Variants in TBC1D5 observed in about 807,000 individuals in gnomAD.
The protein encoded by TBC1D5 is TBC1 domain family, member 5.
TBC1D5 carries 75 observed loss-of-function variants against 100.3 expected under a neutral mutation model. The observed-to-expected ratio is 0.75, with a 90% confidence interval of 0.62 to 0.91. The LOEUF (loss-of-function observed/expected upper bound fraction) is 0.91. Among genes scored for constraint, TBC1D5 ranks in the 40% least tolerant of loss-of-function variants. TBC1D5 has a pLI of 0.00. For synonymous variants in TBC1D5, 323 were observed against 325.6 expected (o/e 0.99, Z 0.09); for missense variants, 910 against 942.4 (o/e 0.97, Z 0.45).
chr3:17,655,173 T>C (rs1355520392), intron 1 of TBC1D5, among the ~76,000 whole-genome samples: 1 of 152,060 alleles, frequency 6.6e-6, no homozygotes, highest in Non-Finnish European at 1.5e-5. Flanking sequence ...AGTTCTGCTC[T>C]GATTTTAGTT....
intron 16 of TBC1D5, among the ~76,000 whole-genome samples, chr3:17,254,832 C>T (rs1330838270): frequency 2.0e-5 from 3 of 150,956 alleles, no homozygotes; most frequent in Admixed American, 6.6e-5. Context: ...CTGTTACACT[C>T]ATTCCAGATT....
At chr3:17,698,544 G>C (rs2072547676) in intron 1 of TBC1D5, among the ~76,000 whole-genome samples, 1 of 151,126 alleles carries the variant, frequency 6.6e-6, no homozygotes, top group African/African-American at 2.4e-5. Context: ...TTGACAAATG[G>C]GATCTAATTA....
At chr3:17,554,139 GTGAGAAA>G (rs2153456219) in intron 2 of TBC1D5, among the ~76,000 whole-genome samples, 1 of 152,202 alleles carries the variant, frequency 6.6e-6, no homozygotes, top group African/African-American at 2.4e-5. Flanking sequence ...AACATATTTG[GTGAGAAA>G]AGACTGCATT....
At chr3:17,641,932 A>G (rs1024768291) in intron 1 of TBC1D5, among the ~76,000 whole-genome samples, 4 of 152,154 alleles carry the variant, frequency 2.6e-5, no homozygotes, top group African/African-American at 7.2e-5. Context: ...ATAAAATGCA[A>G]TGTTTTAAAA....
chr3:17,689,797 T>A lies in TBC1D5; in HGVS notation c.-101+49546A>T, dbSNP rs114405096. Among the ~76,000 whole-genome samples, 1,029 of 152,250 alleles carry A rather than the reference T, an allele frequency of 6.8e-3. 12 individuals carry two copies. The highest frequency in any genetic ancestry group is 0.024 in the African/African-American group (994 of 41,540). On this transcript the variant is annotated intron_variant, in intron 1 of 21. Transcript: ENST00000253692. ...ACTTTAGGTTGTTCCAAATGAGAAATATAACTTGCATCTGGTGAGTAGTGG... is the reference window on the plus strand; with the variant it reads ...ACTTTAGGTTGTTCCAAATGAGAAAAATAACTTGCATCTGGTGAGTAGTGG...
intron 14 of TBC1D5, among the ~76,000 whole-genome samples, chr3:17,294,208 A>G (rs774165859): frequency 6.6e-6 from 1 of 151,810 alleles, no homozygotes; most frequent in Non-Finnish European, 1.5e-5. Context: ...TTATTTATTT[A>G]TTTATTTATT....
chr3:17,287,878 T>C (rs2081327761), intron 15 of TBC1D5, among the ~76,000 whole-genome samples: 1 of 152,188 alleles, frequency 6.6e-6, no homozygotes, highest in African/African-American at 2.4e-5. Flanking sequence ...TCAGAGCTCC[T>C]TGTTTGATTT....
At chr3:17,483,449 G>A (rs1016335415) in intron 3 of TBC1D5, among the ~76,000 whole-genome samples, 4 of 152,066 alleles carry the variant, frequency 2.6e-5, no homozygotes, top group Non-Finnish European at 5.9e-5. Context: ...ACTTTTTAGG[G>A]GTGGGCTTGA....
intron 15 of TBC1D5, among the ~76,000 whole-genome samples, chr3:17,269,116 T>C (rs1196669215): frequency 2.6e-5 from 4 of 152,132 alleles, no homozygotes; most frequent in African/African-American, 9.7e-5. Flanking sequence ...GTAACTGTTA[T>C]AAGCTGCAAC....
At position 17,549,969 on chromosome 3, in the gene TBC1D5, T is replaced by C. The variant is rs1329816915; in HGVS notation, c.-35-41364A>G. ...ATAATAATAGTAATAATAAGAATAA[T>C]AATAATAATGAATGGCTTCCTACTA... On this transcript the variant is annotated intron_variant, in intron 2 of 21. Transcript: ENST00000253692. 2.7e-5 allele frequency among the ~76,000 whole-genome samples: 4 copies of C among 150,470 alleles called. No homozygotes were observed. The Admixed American group carries it at 2.7e-4, about 10-fold the overall frequency.
At chr3:17,535,975 G>A (rs1169402914) in intron 2 of TBC1D5, among the ~76,000 whole-genome samples, 1 of 152,082 alleles carries the variant, frequency 6.6e-6, no homozygotes, top group Non-Finnish European at 1.5e-5. Context: ...CCCACTAACA[G>A]TAAACTAAAA....
At chr3:17,558,080 C>A (rs1222368504) in intron 2 of TBC1D5, among the ~76,000 whole-genome samples, 1 of 152,098 alleles carries the variant, frequency 6.6e-6, no homozygotes, top group Non-Finnish European at 1.5e-5. Context: ...TTTCAAGAAC[C>A]CTTGTTCTAC....
chr3:17,329,604 T>C (rs2086629247), intron 13 of TBC1D5, among the ~76,000 whole-genome samples: 1 of 152,084 alleles, frequency 6.6e-6, no homozygotes, highest in African/African-American at 2.4e-5. Context: ...GCAAAGTGAG[T>C]TACGAAGTAT....
intron 2 of TBC1D5, among the ~76,000 whole-genome samples, chr3:17,512,917 G>C (rs979556299): frequency 2.0e-5 from 3 of 152,162 alleles, no homozygotes; most frequent in Non-Finnish European, 4.4e-5. Context: ...TGATCTGTCT[G>C]AAAGAAAAGA....
intron 14 of TBC1D5, among the ~76,000 whole-genome samples, chr3:17,303,399 C>G (rs1356206249): frequency 1.3e-5 from 2 of 152,158 alleles, no homozygotes; most frequent in Non-Finnish European, 2.9e-5. Flanking sequence ...TTGACTGGTT[C>G]AATAAAAGCT....
Position 17,374,460 on chromosome 3 carries a change from A to G in TBC1D5, c.822+11T>C, listed in dbSNP as rs754370047. ...AGCATATACTGAAAAGATCTGTACT[A>G]TAAGATTTACCTTCTGACCATCATG... On this transcript the variant is annotated intron_variant, in intron 12 of 21. Transcript: ENST00000253692. 6.2e-6 allele frequency: 10 copies of G among 1,608,238 alleles called. No homozygotes were observed. The Admixed American group carries it at 6.7e-5, about 11-fold the overall frequency.
At chr3:17,254,897 T>C (rs1227110041) in intron 16 of TBC1D5, among the ~76,000 whole-genome samples, 1 of 152,052 alleles carries the variant, frequency 6.6e-6, no homozygotes, top group Non-Finnish European at 1.5e-5. Flanking sequence ...TTGGTATCTA[T>C]TGTGAGAAAC....
intron 3 of TBC1D5, among the ~76,000 whole-genome samples, chr3:17,450,089 C>G (rs1234189406): frequency 6.6e-6 from 1 of 152,144 alleles, no homozygotes; most frequent in Non-Finnish European, 1.5e-5. Flanking sequence ...CCAAGGCAAA[C>G]AGGGTCTGGA....
intron 2 of TBC1D5, among the ~76,000 whole-genome samples, chr3:17,620,571 T>C (rs2062578092): frequency 6.6e-6 from 1 of 152,154 alleles, no homozygotes; most frequent in Non-Finnish European, 1.5e-5. Flanking sequence ...TGCTACTTTT[T>C]AGGTAAAAAC....
Sources: gnomAD v4.1 joint callset for allele counts (sites outside exome capture counted in the v4.1 genomes callset) on GRCh38, gnomAD v4.1.1 for gene constraint, MANE v1.5 for transcripts, NCBI Gene and HGNC (gene_info 2026-07-23, HGNC 2026-07-21) for gene names.